Variants in ROBO1 observed in about 807,000 individuals in gnomAD.
ROBO1 encodes roundabout guidance receptor 1, also known as roundabout homolog 1.
In ROBO1, 149 loss-of-function variants were observed where a neutral mutation model predicts 195.9. The ratio of observed to expected loss-of-function variants is 0.76; its 90% CI spans 0.67 to 0.87. The LOEUF (loss-of-function observed/expected upper bound fraction) is 0.87. ROBO1 is among the 40% of genes least tolerant of loss of function. The probability of loss-of-function intolerance (pLI) is 0.00; values close to 1 mark genes in which losing one functional copy is unlikely to be tolerated. For missense variants in ROBO1, 1,933 were observed against 2,068.3 expected (o/e 0.93, Z 1.27); for synonymous variants, 816 against 733.2 (o/e 1.11, Z -1.82).
chr3:79,223,008 A>G (rs1173344740), intron 2 of ROBO1, among the ~76,000 whole-genome samples: 1 of 152,184 alleles, frequency 6.6e-6, no homozygotes, highest in Admixed American at 6.5e-5. Flanking sequence ...ATTCAGAGAC[A>G]TTTTATGCAA....
intron 3 of ROBO1, among the ~76,000 whole-genome samples, chr3:79,068,029 C>T (rs543750362): frequency 3.3e-5 from 5 of 151,968 alleles, no homozygotes; most frequent in African/African-American, 7.2e-5. Flanking sequence ...GAAAAGAGAG[C>T]ATGTGTGAAT....
intron 2 of ROBO1, among the ~76,000 whole-genome samples, chr3:79,335,333 T>C (rs912726199): frequency 2.0e-5 from 3 of 152,088 alleles, no homozygotes; most frequent in Non-Finnish European, 4.4e-5. Flanking sequence ...AAATAAAGTA[T>C]CTAGGAATGG....
chr3:79,596,034 C>T (rs1048973883), intron 1 of ROBO1, among the ~76,000 whole-genome samples: 3 of 151,990 alleles, frequency 2.0e-5, no homozygotes, highest in African/African-American at 7.2e-5. Context: ...TTCCTCTTTA[C>T]ATATGAGATA....
intron 2 of ROBO1, among the ~76,000 whole-genome samples, chr3:79,489,665 AAAAAG>A (rs1292210649): frequency 1.1e-3 from 166 of 152,038 alleles, no homozygotes; most frequent in African/African-American, 3.6e-3. Flanking sequence ...AAAAAAAAAA[AAAAAG>A]AAAGAAAGAA....
At chr3:79,435,295 A>C (rs572611366) in intron 2 of ROBO1, among the ~76,000 whole-genome samples, 1 of 152,258 alleles carries the variant, frequency 6.6e-6, no homozygotes, top group Non-Finnish European at 1.5e-5. Context: ...TATGTTGTTC[A>C]GGCTGGTCTT....
chr3:79,401,576 A>T (rs2037367503), intron 2 of ROBO1, among the ~76,000 whole-genome samples: 1 of 151,866 alleles, frequency 6.6e-6, no homozygotes, highest in Non-Finnish European at 1.5e-5. Context: ...ATTTTAATTA[A>T]GTTTTTGAAA....
intron 2 of ROBO1, among the ~76,000 whole-genome samples, chr3:79,208,543 T>C (rs1553700480): frequency 2.6e-5 from 4 of 152,174 alleles, no homozygotes. Context: ...ACGGTGAATA[T>C]TCACCTGGAC....
intron 8 of ROBO1, among the ~76,000 whole-genome samples, chr3:78,711,366 C>T (rs144423201): frequency 0.35 from 22,283 of 64,470 alleles, 2,939 homozygotes; most frequent in African/African-American, 0.39. Context: ...TTCCTTCCTT[C>T]CTTCCTTCCT....
chr3:79,404,891 A>G (rs185067499), intron 2 of ROBO1, among the ~76,000 whole-genome samples: 7 of 152,282 alleles, frequency 4.6e-5, no homozygotes, highest in Non-Finnish European at 1.0e-4. Flanking sequence ...ACAAATAGAT[A>G]TGTGTAATCA....
At chr3:79,667,210 A>G (rs988566646) in intron 1 of ROBO1, among the ~76,000 whole-genome samples, 2 of 151,854 alleles carry the variant, frequency 1.3e-5, no homozygotes, top group Non-Finnish European at 2.9e-5. Flanking sequence ...ACATTTTAGA[A>G]AGTTTAAAAT....
At position 79,053,346 on chromosome 3, in the gene ROBO1, T is replaced by C. The variant is rs553101845; in HGVS notation, c.172+72110A>G. Among the ~76,000 whole-genome samples, 33 of 152,122 alleles carry C rather than the reference T, an allele frequency of 2.2e-4. No individual in the cohort carries two copies. In the South Asian group the frequency reaches 6.2e-3, roughly 29 times the overall value. The stretch of plus-strand genomic sequence containing the variant: ...AATATCTAACTCCAGTGACTTTGGA[T>C]TATGGTCACCCCCCAATGACCTTAT... On this transcript the variant is annotated intron_variant, in intron 3 of 30. Coordinates refer to ENST00000464233, the MANE Select transcript of ROBO1 (RefSeq NM_002941.4).
chr3:79,623,302 C>T (rs377298500), intron 1 of ROBO1, among the ~76,000 whole-genome samples: 12 of 152,154 alleles, frequency 7.9e-5, no homozygotes, highest in Admixed American at 1.3e-4. Context: ...TCCAAACAAT[C>T]GCAACGTCTC....
chr3:79,122,402 G>A (rs1262187281), intron 3 of ROBO1, among the ~76,000 whole-genome samples: 1 of 151,892 alleles, frequency 6.6e-6, no homozygotes, highest in African/African-American at 2.4e-5. Context: ...TGGCTTTATA[G>A]CATTGTTTCT....
At chr3:78,804,757 A>T (rs1411781349) in intron 4 of ROBO1, among the ~76,000 whole-genome samples, 1 of 115,384 alleles carries the variant, frequency 8.7e-6, no homozygotes, top group Non-Finnish European at 1.8e-5. Context: ...AAAAAAAGCA[A>T]AAGGAAAGAA....
intron 2 of ROBO1, among the ~76,000 whole-genome samples, chr3:79,396,207 T>A (rs1361924908): frequency 6.6e-6 from 1 of 152,102 alleles, no homozygotes; most frequent in African/African-American, 2.4e-5. Context: ...CAACTTTTAA[T>A]AAAATTGGAG....
At chr3:78,650,848 C>T (rs984501182) in intron 19 of ROBO1, among the ~76,000 whole-genome samples, 4 of 152,136 alleles carry the variant, frequency 2.6e-5, no homozygotes, top group Admixed American at 2.0e-4. Context: ...GGACTAATGA[C>T]ATAAACTGGG....
chr3:78,814,062 C>G (rs547054589), intron 4 of ROBO1, among the ~76,000 whole-genome samples: 2 of 151,928 alleles, frequency 1.3e-5, no homozygotes, highest in Non-Finnish European at 2.9e-5. Flanking sequence ...GTTTCTGAGG[C>G]TAATATTTAA....
At chr3:78,738,580 A>T (rs2082448098) in intron 5 of ROBO1, among the ~76,000 whole-genome samples, 1 of 152,096 alleles carries the variant, frequency 6.6e-6, no homozygotes, top group Non-Finnish European at 1.5e-5. Flanking sequence ...CTCATACACA[A>T]AACAATTCGT....
At chr3:78,916,291 G>T (rs1236532222) in intron 4 of ROBO1, among the ~76,000 whole-genome samples, 1 of 145,690 alleles carries the variant, frequency 6.9e-6, no homozygotes, top group Non-Finnish European at 1.5e-5. Flanking sequence ...AAAGTGTCAC[G>T]CCTGTAATCC....
Sources: gnomAD v4.1 joint callset for allele counts (sites outside exome capture counted in the v4.1 genomes callset) on GRCh38, gnomAD v4.1.1 for gene constraint, MANE v1.5 for transcripts, NCBI Gene and HGNC (gene_info 2026-07-23, HGNC 2026-07-21) for gene names.